Variants in MGAT5 observed in about 807,000 individuals in gnomAD.
MGAT5 encodes the protein alpha-1,6-mannosylglycoprotein 6-beta-N-acetylglucosaminyltransferase A.
A neutral mutation model predicts 94.3 loss-of-function variants in MGAT5; 30 were observed. The observed-to-expected ratio is 0.32, with a 90% CI of 0.24 to 0.43. The LOEUF (loss-of-function observed/expected upper bound fraction) is 0.43. MGAT5 is among the 20% of genes least tolerant of loss of function. The probability of loss-of-function intolerance (pLI) is 1.00; values close to 1 mark genes in which losing one functional copy is unlikely to be tolerated. For missense variants in MGAT5, 691 were observed against 905.5 expected (o/e 0.76, Z 3.04); for synonymous variants, 310 against 322.9 (o/e 0.96, Z 0.43).
chr2:134,270,581 G>T (rs760723277), intron 2 of MGAT5, 31 bp downstream of exon 2: 1 of 1,610,152 alleles, frequency 6.2e-7, no homozygotes, highest in Non-Finnish European at 8.5e-7. Flanking sequence ...CCCTGATATG[G>T]AGTCACACCC....
rs375546003 is a variant in MGAT5, at chr2:134,393,610, G to A, written c.1381-9378G>A. Among the ~76,000 whole-genome samples, 3 of 152,168 alleles carry A rather than the reference G, an allele frequency of 2.0e-5. No homozygotes were observed. The South Asian group carries it at 6.2e-4, about 31-fold the overall frequency. On this transcript the variant is annotated intron_variant, in intron 10 of 15. Transcript: ENST00000281923. ...GGGCATTGCAACCTGCCTGAATCTGGCTGTCCTGGTGTCCCCAGAGAGGTG... is the reference window on the plus strand; with the variant it reads ...GGGCATTGCAACCTGCCTGAATCTGACTGTCCTGGTGTCCCCAGAGAGGTG...
chr2:134,409,592 C>T (rs1683531320), intron 11 of MGAT5, among the ~76,000 whole-genome samples: 1 of 152,158 alleles, frequency 6.6e-6, no homozygotes, highest in Admixed American at 6.5e-5. Flanking sequence ...ATGCCAACTT[C>T]GCTAATTAAA....
At position 134,341,669 on chromosome 2, in the gene MGAT5, G is replaced by C; in HGVS notation, c.887G>C (p.Gly296Ala). The change falls in exon 7 of 16, where the codon GGT becomes GCT. Residue 296 changes from glycine (G) to alanine (A), a missense_variant. Around this residue, in one of 4 missense-constraint regions of MGAT5, gnomAD observed 121 missense variants for 206.1 expected, o/e 0.59. Transcript: ENST00000281923. Reference sequence around the variant, plus strand: ...ACAGCTTTCAGTGGTGGCCCTCTTGGTGAATTAGTTCAATGGAGTGATTTA... The same window carrying C: ...ACAGCTTTCAGTGGTGGCCCTCTTGCTGAATTAGTTCAATGGAGTGATTTA... ...AETAFSGGPL[G>A]ELVQWSDLIT... is the part of the protein sequence containing the mutation. 1 of 1,613,518 alleles carries C rather than the reference G, an allele frequency of 6.2e-7. No individual in the cohort carries two copies. The highest frequency in any genetic ancestry group is 1.1e-5 in the South Asian group (1 of 91,060).
chr2:134,137,992 T>G (rs1686494454), intron 1 of MGAT5, among the ~76,000 whole-genome samples: 1 of 148,946 alleles, frequency 6.7e-6, no homozygotes, highest in South Asian at 2.1e-4. Flanking sequence ...TTAGGCCTGT[T>G]TTTTTTTTTT....
At chr2:134,298,344 T>TG (rs1229248047) in intron 2 of MGAT5, among the ~76,000 whole-genome samples, 1 of 152,148 alleles carries the variant, frequency 6.6e-6, no homozygotes, top group Non-Finnish European at 1.5e-5. Flanking sequence ...GTGATCTACC[T>TG]GCCTCGGCCT....
intron 10 of MGAT5, among the ~76,000 whole-genome samples, chr2:134,401,088 CCT>C (rs1683023156): frequency 6.8e-6 from 1 of 146,576 alleles, no homozygotes; most frequent in Non-Finnish European, 1.5e-5. Context: ...TTCTTCTACT[CCT>C]CTTTTTTTTT....
chr2:134,386,575 T>C (rs1157988747), intron 10 of MGAT5, among the ~76,000 whole-genome samples: 1 of 152,236 alleles, frequency 6.6e-6, no homozygotes, highest in Non-Finnish European at 1.5e-5. Context: ...TGGTCCAAGA[T>C]GGCTGCTGAA....
intron 1 of MGAT5, among the ~76,000 whole-genome samples, chr2:134,152,639 G>T (rs977486493): frequency 2.0e-5 from 3 of 152,214 alleles, no homozygotes; most frequent in Non-Finnish European, 2.9e-5. Flanking sequence ...TGAACTATCT[G>T]TTGAAAAAAT....
At chr2:134,269,193 C>T (rs1247753357) in intron 1 of MGAT5, among the ~76,000 whole-genome samples, 1 of 152,128 alleles carries the variant, frequency 6.6e-6, no homozygotes, top group Non-Finnish European at 1.5e-5. Context: ...GTACAAGAAG[C>T]ACAGCACCAG....
At chr2:134,120,391 C>T in intron 1 of MGAT5, 1 of 362,032 alleles carries the variant, frequency 2.8e-6, no homozygotes, top group East Asian at 3.9e-5. Context: ...GGGAACCAGG[C>T]GCGGGCGAGG....
At chr2:134,292,823 T>G (rs1685454846) in intron 2 of MGAT5, among the ~76,000 whole-genome samples, 1 of 152,202 alleles carries the variant, frequency 6.6e-6, no homozygotes, top group Non-Finnish European at 1.5e-5. Flanking sequence ...AGGATCTTTA[T>G]CAAAGCGTGT....
chr2:134,219,530 T>G (rs927747976), intron 1 of MGAT5, among the ~76,000 whole-genome samples: 1 of 152,216 alleles, frequency 6.6e-6, no homozygotes, highest in Admixed American at 6.5e-5. Context: ...GAAGCCGGGA[T>G]AGTATAGTTG....
At chr2:134,337,768 A>C (rs1350224928) in intron 5 of MGAT5, among the ~76,000 whole-genome samples, 1 of 152,108 alleles carries the variant, frequency 6.6e-6, no homozygotes, top group Non-Finnish European at 1.5e-5. Flanking sequence ...TTTTGTTTGG[A>C]CTGGGACAAA....
intron 12 of MGAT5, among the ~76,000 whole-genome samples, chr2:134,415,056 T>C (rs187417143): frequency 5.9e-5 from 9 of 152,380 alleles, no homozygotes; most frequent in Admixed American, 4.6e-4. Context: ...TTGGCTATTA[T>C]GAATAATGCT....
At chr2:134,128,462 C>T (rs1466119855) in intron 1 of MGAT5, among the ~76,000 whole-genome samples, 3 of 152,074 alleles carry the variant, frequency 2.0e-5, no homozygotes, top group East Asian at 1.9e-4. Context: ...TATTGTTCTT[C>T]CTGTAAAGTG....
chr2:134,387,332 A>ATATATATATATATATATATTTTTT, intron 10 of MGAT5, among the ~76,000 whole-genome samples: 2 of 24,266 alleles, frequency 8.2e-5, no homozygotes, highest in Admixed American at 7.7e-4. Flanking sequence ...ATATATATAT[A>ATATATATATATATATATATTTTTT]TTTTTTTTTT....
intron 10 of MGAT5, among the ~76,000 whole-genome samples, chr2:134,383,898 T>C (rs1681789898): frequency 6.6e-6 from 1 of 152,084 alleles, no homozygotes; most frequent in Non-Finnish European, 1.5e-5. Flanking sequence ...GCCAGGATGG[T>C]CTTTATATCC....
chr2:134,144,017 T>C (rs919697482), intron 1 of MGAT5, among the ~76,000 whole-genome samples: 2 of 152,016 alleles, frequency 1.3e-5, no homozygotes, highest in Non-Finnish European at 2.9e-5. Context: ...GATTCTGGGA[T>C]GCTCAGGGAG....
At chr2:134,275,869 T>G (rs1426962141) in intron 2 of MGAT5, among the ~76,000 whole-genome samples, 1 of 152,072 alleles carries the variant, frequency 6.6e-6, no homozygotes, top group East Asian at 1.9e-4. Context: ...ATTACAAGCA[T>G]GAGCCACTGT....
Sources: gnomAD v4.1 joint callset for allele counts (sites outside exome capture counted in the v4.1 genomes callset) on GRCh38, gnomAD v4.1.1 for gene constraint, gnomAD v4.1.1 regional missense constraint, MANE v1.5 for transcripts, NCBI Gene and HGNC (gene_info 2026-07-23, HGNC 2026-07-21) for gene names.